SKAP1: variants seen among roughly 807,000 people sequenced by gnomAD.
SKAP1 encodes src kinase associated phosphoprotein 1.
A neutral mutation model predicts 58.5 loss-of-function variants in SKAP1; 44 were observed. The observed-to-expected ratio is 0.75, with a 90% CI of 0.59 to 0.97. The LOEUF is 0.97. SKAP1 is among the 50% of genes least tolerant of loss of function. SKAP1 has a pLI of 0.00. For missense variants in SKAP1, 390 were observed against 435.2 expected (o/e 0.90, Z 0.92); for synonymous variants, 127 against 149.7 (o/e 0.85, Z 1.11).
chr17:48,169,905 C>T (rs552133571), intron 10 of SKAP1, among the ~76,000 whole-genome samples: 9 of 152,236 alleles, frequency 5.9e-5, no homozygotes, highest in South Asian at 2.1e-4. Flanking sequence ...GCCGACGGAA[C>T]GAATGTCCTT....
chr17:48,162,749 G>C (rs1352637809), intron 10 of SKAP1, 180 bp from the exon 11 acceptor site: 1 of 497,414 alleles, frequency 2.0e-6, no homozygotes, highest in Non-Finnish European at 3.6e-6. Flanking sequence ...GGGAGAAGGA[G>C]ATCATTAACT....
chr17:48,407,408 T>C (rs1177582157), intron 1 of SKAP1, among the ~76,000 whole-genome samples: 1 of 152,190 alleles, frequency 6.6e-6, no homozygotes, highest in African/African-American at 2.4e-5. Context: ...AAGCCTCTGA[T>C]AAGAAAGAAA....
chr17:48,137,390 C>T (rs2063714472), intron 11 of SKAP1, 53 bp from the exon 12 acceptor site: 2 of 1,248,658 alleles, frequency 1.6e-6, no homozygotes, highest in Non-Finnish European at 2.4e-6. Flanking sequence ...TGCTTCTGCT[C>T]ATTTATTCTA....
At chr17:48,436,635 G>C in the SKAP1 span, among the ~76,000 whole-genome samples, 1 of 151,638 alleles carries the variant, frequency 6.6e-6, no homozygotes, top group Admixed American at 6.6e-5. Context: ...TAACATCCTT[G>C]GTCTTCTCTA....
chr17:48,280,981 A>G (rs1303722382), intron 4 of SKAP1, among the ~76,000 whole-genome samples: 1 of 152,152 alleles, frequency 6.6e-6, no homozygotes, highest in African/African-American at 2.4e-5. Context: ...ACTCAGACTT[A>G]GGCAGTCTAA....
At chr17:48,235,133 G>C (rs576993445) in intron 4 of SKAP1, among the ~76,000 whole-genome samples, 9 of 152,298 alleles carry the variant, frequency 5.9e-5, no homozygotes, top group African/African-American at 2.2e-4. Flanking sequence ...GGATGAATAG[G>C]AGTTCTCTAA....
upstream of SKAP1, among the ~76,000 whole-genome samples, chr17:48,434,541 T>A (rs1436153739): frequency 6.6e-6 from 1 of 152,164 alleles, no homozygotes; most frequent in Non-Finnish European, 1.5e-5. Context: ...TCTGCCTTAA[T>A]ACATACAACA....
chr17:48,141,432 G>T (rs2063767001), intron 11 of SKAP1, among the ~76,000 whole-genome samples: 1 of 151,890 alleles, frequency 6.6e-6, no homozygotes, highest in South Asian at 2.1e-4. Context: ...AGTCTGGAGT[G>T]CACTGACACG....
At chr17:48,326,090 A>G (rs1445703613) in intron 4 of SKAP1, among the ~76,000 whole-genome samples, 1 of 152,200 alleles carries the variant, frequency 6.6e-6, no homozygotes, top group African/African-American at 2.4e-5. Context: ...AGGGAAATTT[A>G]AAAATAGTTA....
In SKAP1 at chr17:48,189,566, T is replaced by C. The variant is rs370233951; in HGVS notation, c.281-66A>G. 721 of 1,160,100 alleles carry C rather than the reference T, an allele frequency of 6.2e-4. 11 individuals are homozygous for C. In the South Asian group the frequency reaches 9.0e-3, roughly 14 times the overall value. 71.9% of individuals were successfully genotyped at this position (1,160,100 alleles called of 1,614,324 possible). ...AAAATTTTCATTTATTTAGGCTACT[T>C]TAGGTAATTCACATTAATAACAGAG... On this transcript the variant is annotated intron_variant, in intron 4 of 12. Transcript: ENST00000336915.
At chr17:48,377,729 T>C (rs1049726438) in intron 2 of SKAP1, among the ~76,000 whole-genome samples, 4 of 152,090 alleles carry the variant, frequency 2.6e-5, no homozygotes, top group African/African-American at 4.8e-5. Context: ...TCTAGGCTTG[T>C]GGGATGAAAA....
intron 4 of SKAP1, among the ~76,000 whole-genome samples, chr17:48,282,175 AGATT>A (rs761334188): frequency 1.5e-4 from 23 of 152,190 alleles, no homozygotes; most frequent in Non-Finnish European, 2.8e-4. Flanking sequence ...TCATTTTATT[AGATT>A]AAGAAATTAT....
chr17:48,432,673 C>CA (rs1305441500), upstream of SKAP1, among the ~76,000 whole-genome samples: 4 of 152,178 alleles, frequency 2.6e-5, no homozygotes, highest in African/African-American at 7.2e-5. Flanking sequence ...AACTGTTACA[C>CA]AAAAAATACA....
chr17:48,399,314 C>A (rs920621594), intron 1 of SKAP1, among the ~76,000 whole-genome samples: 7 of 151,984 alleles, frequency 4.6e-5, no homozygotes, highest in Non-Finnish European at 7.4e-5. Flanking sequence ...AGGAAAAAAA[C>A]CACATGATCA....
At chr17:48,235,634 G>A (rs1352614146) in intron 4 of SKAP1, among the ~76,000 whole-genome samples, 1 of 152,088 alleles carries the variant, frequency 6.6e-6, no homozygotes, top group African/African-American at 2.4e-5. Context: ...GCATGAGAGA[G>A]GTTTAATGCC....
intron 4 of SKAP1, among the ~76,000 whole-genome samples, chr17:48,205,551 A>G (rs2143641596): frequency 6.6e-6 from 1 of 152,332 alleles, no homozygotes; most frequent in East Asian, 1.9e-4. Context: ...TTTGATTGAC[A>G]TGGTCCTCCA....
intron 11 of SKAP1, among the ~76,000 whole-genome samples, chr17:48,143,381 A>T (rs1340952977): frequency 2.7e-5 from 4 of 145,554 alleles, no homozygotes; most frequent in East Asian, 2.0e-4. Flanking sequence ...ATTATTTTGT[A>T]TTTTTTTTTT....
At chr17:48,389,134 A>C (rs975141428) in intron 2 of SKAP1, among the ~76,000 whole-genome samples, 1 of 152,264 alleles carries the variant, frequency 6.6e-6, no homozygotes, top group African/African-American at 2.4e-5. Context: ...AGAATGGCTC[A>C]CTACAAGTGG....
At chr17:48,426,041 T>C (rs980655488) in intron 1 of SKAP1, among the ~76,000 whole-genome samples, 1 of 152,154 alleles carries the variant, frequency 6.6e-6, no homozygotes, top group Non-Finnish European at 1.5e-5. Flanking sequence ...CAAATATTTA[T>C]AAGAAGAAGA....
Sources: gnomAD v4.1 joint callset for allele counts (sites outside exome capture counted in the v4.1 genomes callset) on GRCh38, gnomAD v4.1.1 for gene constraint, MANE v1.5 for transcripts, NCBI Gene and HGNC (gene_info 2026-07-23, HGNC 2026-07-21) for gene names.